Variants in MACROD2 observed in about 807,000 individuals in gnomAD.
MACROD2 encodes ADP-ribose glycohydrolase MACROD2.
Under a neutral mutation model 70.4 loss-of-function variants are expected in MACROD2, and 36 were observed. The observed-to-expected ratio is 0.51, with a 90% CI of 0.39 to 0.68. The LOEUF (loss-of-function observed/expected upper bound fraction) is 0.68, where lower values mean the gene tolerates loss of function less well. Ranked by LOEUF, MACROD2 falls within the 30% of genes least tolerant of loss-of-function variation. The pLI is 0.00. For missense variants in MACROD2, 496 were observed against 538.4 expected (o/e 0.92, Z 0.78); for synonymous variants, 172 against 178.8 (o/e 0.96, Z 0.30).
chr20:15,250,094 A>T (rs1330896340), intron 6 of MACROD2, among the ~76,000 whole-genome samples: 1 of 152,198 alleles, frequency 6.6e-6, no homozygotes, highest in Non-Finnish European at 1.5e-5. Context: ...ATTTTTGGCT[A>T]CCTGGAAGGT....
At chr20:14,862,513 A>T (rs1223866502) in intron 5 of MACROD2, among the ~76,000 whole-genome samples, 3 of 33,882 alleles carry the variant, frequency 8.9e-5, no homozygotes, top group African/African-American at 3.2e-4. Flanking sequence ...ATATAAATAT[A>T]TATATAAATA....
At chr20:14,310,353 C>A (rs1220978544) in intron 3 of MACROD2, among the ~76,000 whole-genome samples, 2 of 151,960 alleles carry the variant, frequency 1.3e-5, no homozygotes, top group Non-Finnish European at 2.9e-5. Flanking sequence ...AAATTACAGT[C>A]ATGTGCTGCA....
At chr20:14,658,814 G>A (rs1004344429) in intron 4 of MACROD2, among the ~76,000 whole-genome samples, 23 of 152,124 alleles carry the variant, frequency 1.5e-4, no homozygotes, top group East Asian at 3.9e-4. Context: ...GTCTTTCACC[G>A]TGTTGCCCCG....
rs1011110669 is a variant in MACROD2, at chr20:14,001,803, G to C, written c.47-485G>C. On this transcript the variant is annotated intron_variant, in intron 1 of 17. Transcript: ENST00000684519. ...CAAGAACAGTAGCACGAGAGGGTTG[G>C]GGGGAAGTGCCACACACTTTCAAAC... Among the ~76,000 whole-genome samples, 5 of 152,160 alleles carry C rather than the reference G, an allele frequency of 3.3e-5. No homozygotes were observed. In the East Asian group the frequency reaches 5.8e-4, roughly 18 times the overall value.
chr20:14,467,434 C>T (rs2084469335), intron 3 of MACROD2, among the ~76,000 whole-genome samples: 1 of 152,118 alleles, frequency 6.6e-6, no homozygotes, highest in African/African-American at 2.4e-5. Context: ...TGCCATCTGT[C>T]ACCCCTTTCT....
chr20:14,846,562 G>A (rs2073143270), intron 5 of MACROD2, among the ~76,000 whole-genome samples: 1 of 150,336 alleles, frequency 6.7e-6, no homozygotes, highest in African/African-American at 2.4e-5. Flanking sequence ...CTCTCACCCA[G>A]GCTGGAGTAC....
At position 15,172,173 on chromosome 20, in the gene MACROD2, C is replaced by G. The variant is rs111896688; in HGVS notation, c.419-57767C>G. ...AGCTTCTAAGATTCTGTCATAGTTA[C>G]CAGGGATCCCAAAATGTGTACAACA... is the stretch of plus-strand genomic sequence containing the variant. On this transcript the variant is annotated intron_variant, in intron 5 of 17. Transcript: ENST00000684519. Among the ~76,000 whole-genome samples, 1,033 of 152,046 alleles carry G rather than the reference C, an allele frequency of 6.8e-3. 12 individuals are homozygous for G. The highest frequency in any genetic ancestry group is 0.031 in the Middle Eastern group (9 of 294).
chr20:14,175,339 T>G (rs2081255318), intron 3 of MACROD2, among the ~76,000 whole-genome samples: 3 of 152,210 alleles, frequency 2.0e-5, no homozygotes, highest in Admixed American at 1.3e-4. Flanking sequence ...TCAGCTGTAA[T>G]CCACTGTTAT....
intron 6 of MACROD2, among the ~76,000 whole-genome samples, chr20:15,306,596 C>T (rs2077699982): frequency 6.6e-6 from 1 of 152,120 alleles, no homozygotes; most frequent in Non-Finnish European, 1.5e-5. Context: ...GGTCTGTTTT[C>T]TCAGGGTCTA....
chr20:16,019,799 G>T (rs1180749816), intron 15 of MACROD2, among the ~76,000 whole-genome samples: 1 of 152,170 alleles, frequency 6.6e-6, no homozygotes, highest in Non-Finnish European at 1.5e-5. Flanking sequence ...CTAATGCTCA[G>T]TCACATTTAA....
chr20:15,945,357 A>G (rs952433017), intron 12 of MACROD2, among the ~76,000 whole-genome samples: 3 of 152,182 alleles, frequency 2.0e-5, no homozygotes, highest in African/African-American at 7.2e-5. Context: ...TAATTAATCC[A>G]TTTTAAAGCT....
chr20:15,835,900 G>T (rs1408956362), intron 8 of MACROD2, among the ~76,000 whole-genome samples: 3 of 152,164 alleles, frequency 2.0e-5, no homozygotes. Context: ...CTGTAAAGTT[G>T]CTTGCAGAAT....
chr20:15,505,345 A>G (rs945104463), intron 8 of MACROD2, among the ~76,000 whole-genome samples: 1 of 152,168 alleles, frequency 6.6e-6, no homozygotes, highest in African/African-American at 2.4e-5. Flanking sequence ...TGGATTTCCC[A>G]GGAACTTTTA....
intron 5 of MACROD2, among the ~76,000 whole-genome samples, chr20:14,786,668 T>G (rs1036691466): frequency 4.6e-5 from 7 of 152,010 alleles, no homozygotes; most frequent in African/African-American, 1.7e-4. Context: ...AGAGTGAGTC[T>G]TAGGATTGCA....
chr20:15,378,875 G>A lies in MACROD2; in HGVS notation c.541-52530G>A, dbSNP rs115510942. Among the ~76,000 whole-genome samples, 1,254 of 152,206 alleles carry A rather than the reference G, an allele frequency of 8.2e-3. 17 individuals are homozygous for A. The highest frequency in any genetic ancestry group is 0.029 in the African/African-American group (1,194 of 41,518). On this transcript the variant is annotated intron_variant, in intron 6 of 17. Coordinates refer to ENST00000684519, the MANE Select transcript of MACROD2 (RefSeq NM_001351661.2). ...CTCAGAGGAGAGAATTCAGTGCAACGCATGCCAGATTTCATAAAACTGCAA... is the reference window on the plus strand; with the variant it reads ...CTCAGAGGAGAGAATTCAGTGCAACACATGCCAGATTTCATAAAACTGCAA...
At chr20:14,154,742 G>C (rs572276309) in intron 3 of MACROD2, among the ~76,000 whole-genome samples, 1 of 151,994 alleles carries the variant, frequency 6.6e-6, no homozygotes, top group African/African-American at 2.4e-5. Context: ...TTATCAGTGA[G>C]CTCTGCTGTA....
intron 12 of MACROD2, among the ~76,000 whole-genome samples, chr20:15,945,652 T>C (rs6034333): frequency 0.015 from 2,238 of 152,324 alleles, 49 homozygotes; most frequent in African/African-American, 0.05. Flanking sequence ...TTCTTTCTGA[T>C]TTTTGACAGT....
At chr20:15,438,474 T>A (rs2046455937) in intron 7 of MACROD2, among the ~76,000 whole-genome samples, 2 of 152,210 alleles carry the variant, frequency 1.3e-5, no homozygotes, top group Non-Finnish European at 2.9e-5. Flanking sequence ...CACATGTATG[T>A]CTTCTTTTGA....
intron 8 of MACROD2, among the ~76,000 whole-genome samples, chr20:15,853,582 G>A (rs771875581): frequency 6.6e-6 from 1 of 152,098 alleles, no homozygotes; most frequent in African/African-American, 2.4e-5. Flanking sequence ...CAGAAATATG[G>A]CAAGGAATGC....
Sources: allele counts gnomAD v4.1 joint callset (sites outside exome capture counted in the v4.1 genomes callset), GRCh38; gene constraint gnomAD v4.1.1; transcripts MANE v1.5; gene names NCBI Gene and HGNC (gene_info 2026-07-23, HGNC 2026-07-21).